The following CCDC50 variants were observed in gnomAD, a reference collection of about 807,000 sequenced individuals.
CCDC50 encodes the protein coiled-coil domain-containing protein 50.
A neutral mutation model predicts 70.2 loss-of-function variants in CCDC50; 54 were observed. The observed-to-expected ratio is 0.77, with a 90% confidence interval of 0.62 to 0.96. The LOEUF is 0.96. Ranked by LOEUF, CCDC50 falls within the 50% of genes least tolerant of loss-of-function variation. CCDC50 has a pLI of 0.00. For missense variants in CCDC50, 558 were observed against 578.7 expected (o/e 0.96, Z 0.37); for synonymous variants, 216 against 198.8 (o/e 1.09, Z -0.73).
chr3:191,377,144 T>C (rs1713145983), intron 6 of CCDC50, among the ~76,000 whole-genome samples: 1 of 152,202 alleles, frequency 6.6e-6, no homozygotes, highest in Non-Finnish European at 1.5e-5. Context: ...GCTGCTGCTT[T>C]TCTATCATTT....
intron 1 of CCDC50, among the ~76,000 whole-genome samples, chr3:191,351,764 G>T (rs1274166991): frequency 7.1e-6 from 1 of 141,104 alleles, no homozygotes; most frequent in African/African-American, 2.5e-5. Flanking sequence ...ATACCAGGAA[G>T]CCTATGTAAA....
Position 191,364,477 on chromosome 3 carries a change from G to A in CCDC50, c.330+3318G>A, listed in dbSNP as rs1712610701. Among the ~76,000 whole-genome samples, 3 of 151,396 alleles carry A rather than the reference G, an allele frequency of 2.0e-5. No individual in the cohort carries two copies. The South Asian group carries it at 6.2e-4, about 31-fold the overall frequency. ...AGGGCTGTGGAAAATCTCTCTCTGG[G>A]TTTCCACCCAAATCTCTTTAAGAGA... On this transcript the variant is annotated intron_variant, in intron 4 of 11. Coordinates refer to ENST00000392455, the MANE Select transcript of CCDC50 (RefSeq NM_178335.3).
intron 4 of CCDC50, among the ~76,000 whole-genome samples, chr3:191,362,123 C>T (rs982275524): frequency 1.3e-5 from 2 of 152,032 alleles, no homozygotes; most frequent in African/African-American, 4.8e-5. Context: ...TTATTATTTT[C>T]AGCCCTTTTT....
chr3:191,365,817 A>G (rs1489706704), intron 4 of CCDC50, among the ~76,000 whole-genome samples: 3 of 152,196 alleles, frequency 2.0e-5, no homozygotes, highest in Non-Finnish European at 4.4e-5. Context: ...TTATACATTT[A>G]TATGATATAA....
intron 1 of CCDC50, among the ~76,000 whole-genome samples, chr3:191,346,463 C>T (rs928569297): frequency 8.5e-5 from 13 of 152,124 alleles, no homozygotes; most frequent in Non-Finnish European, 1.3e-4. Context: ...GTCAGGGTAT[C>T]CTATAGGGAG....
intron 1 of CCDC50, among the ~76,000 whole-genome samples, chr3:191,331,791 G>A (rs1408467599): frequency 6.6e-6 from 1 of 152,186 alleles, no homozygotes; most frequent in African/African-American, 2.4e-5. Flanking sequence ...CTCCCTAACA[G>A]TGTCTTTATC....
rs1165514540 is a variant in CCDC50 at position 191,329,647 on chromosome 3, A to G, written c.-28A>G. On this transcript the variant is annotated 5_prime_UTR_variant, in exon 1 of 12. Transcript: ENST00000392455. Reference sequence around the variant, plus strand: ...CGGCGGTGACCGGGAAGCCCGCGTTAAAGGGGCAACCGGGACCCTGGCCCG... The same window carrying G: ...CGGCGGTGACCGGGAAGCCCGCGTTGAAGGGGCAACCGGGACCCTGGCCCG... The G allele has an allele frequency of 6.9e-6, 11 of 1,600,698 alleles. No homozygotes were observed. In the African/African-American group the frequency reaches 1.2e-4, roughly 18 times the overall value.
In CCDC50 at chr3:191,362,105, C is replaced by T. The variant is rs553969862; in HGVS notation, c.330+946C>T. 2.6e-5 allele frequency among the ~76,000 whole-genome samples: 4 copies of T among 152,068 alleles called. No individual in the cohort carries two copies. In the East Asian group the frequency reaches 5.8e-4, roughly 22 times the overall value. ...TGAATTTACCATCAGCTATTATTTC[C>T]TTTTGTGTTATTATTTTCAGCCCTT... On this transcript the variant is annotated intron_variant, in intron 4 of 11. Coordinates refer to ENST00000392455, the MANE Select transcript of CCDC50 (RefSeq NM_178335.3).
chr3:191,353,217 G>A (rs1482960966), intron 1 of CCDC50, among the ~76,000 whole-genome samples: 1 of 142,226 alleles, frequency 7.0e-6, no homozygotes, highest in African/African-American at 2.5e-5. Context: ...TGGGCAGAGG[G>A]GAGAGCCTAC....
chr3:191,346,619 CA>C (rs1711935624), intron 1 of CCDC50, among the ~76,000 whole-genome samples: 2 of 152,120 alleles, frequency 1.3e-5, no homozygotes, highest in Non-Finnish European at 1.5e-5. Context: ...GTTGTTTCTA[CA>C]AAACACCTAC....
At chr3:191,354,605 C>T (rs970605943) in intron 1 of CCDC50, among the ~76,000 whole-genome samples, 1 of 152,128 alleles carries the variant, frequency 6.6e-6, no homozygotes, top group Non-Finnish European at 1.5e-5. Context: ...TTTTTGTAAT[C>T]TATAGAATGA....
At chr3:191,372,710 A>G (rs902907876) in intron 5 of CCDC50, among the ~76,000 whole-genome samples, 1 of 152,118 alleles carries the variant, frequency 6.6e-6, no homozygotes, top group Non-Finnish European at 1.5e-5. Flanking sequence ...AACATTTGTC[A>G]AATTTATATC....
rs773780456 is a variant in CCDC50, at chr3:191,375,331, A to G, written c.718A>G (p.Thr240Ala). Residue 240 changes from threonine (T) to alanine (A), a missense_variant, in exon 6 of 12, where the codon ACG becomes GCG. Coordinates refer to ENST00000392455, the MANE Select transcript of CCDC50 (RefSeq NM_178335.3). The part of the protein sequence containing the change: ...QERPRRPLLP[T>A]ISGEVFLSTE... ...GAGGCCTCGGAGACCTCTGCTTCCCACGATCAGTGGTGAAGTGTTTCTGAG... is the reference window on the plus strand; with the variant it reads ...GAGGCCTCGGAGACCTCTGCTTCCCGCGATCAGTGGTGAAGTGTTTCTGAG... 5.6e-6 allele frequency: 9 copies of G among 1,613,730 alleles called. No homozygotes were observed. Among genetic ancestry groups the G allele is most frequent in the South Asian group, 5.5e-5 (5 of 91,060 alleles).
intron 3 of CCDC50, 47 bp from the exon 4 acceptor site, chr3:191,361,022 C>T: frequency 1.6e-6 from 2 of 1,254,220 alleles, no homozygotes; most frequent in Admixed American, 1.7e-5. Context: ...TTAGGAAATA[C>T]ATTATTTTTT....
intron 10 of CCDC50, among the ~76,000 whole-genome samples, chr3:191,385,728 G>A (rs1713469723): frequency 6.6e-6 from 1 of 151,848 alleles, no homozygotes; most frequent in Admixed American, 6.6e-5. Flanking sequence ...ATTTGCCTTG[G>A]CCAGTGTTGA....
chr3:191,372,762 T>G (rs1438552457), intron 5 of CCDC50, among the ~76,000 whole-genome samples: 1 of 152,162 alleles, frequency 6.6e-6, no homozygotes, highest in African/African-American at 2.4e-5. Flanking sequence ...ATCCATGTTT[T>G]TCTTTCAAAG....
chr3:191,390,497 T>C (rs1474361792), intron 11 of CCDC50, among the ~76,000 whole-genome samples: 1 of 116,988 alleles, frequency 8.5e-6, no homozygotes, highest in African/African-American at 3.1e-5. Flanking sequence ...ATACAAGGGG[T>C]ATATTATTCA....
chr3:191,365,009 T>A (rs1032011137), intron 4 of CCDC50, among the ~76,000 whole-genome samples: 3 of 152,174 alleles, frequency 2.0e-5, no homozygotes, highest in Non-Finnish European at 4.4e-5. Flanking sequence ...AAAAATGGGT[T>A]AAGGTTAATC....
chr3:191,362,410 C>T (rs1712525429), intron 4 of CCDC50, among the ~76,000 whole-genome samples: 1 of 152,130 alleles, frequency 6.6e-6, no homozygotes, highest in Non-Finnish European at 1.5e-5. Context: ...CTGGCATGAG[C>T]CCCTGTGCCC....
Sources: allele counts gnomAD v4.1 joint callset (sites outside exome capture counted in the v4.1 genomes callset), GRCh38; gene constraint gnomAD v4.1.1; transcripts MANE v1.5; gene names NCBI Gene and HGNC (gene_info 2026-07-23, HGNC 2026-07-21).